The following TANC2 variants were observed in gnomAD, a reference collection of about 807,000 sequenced individuals.
TANC2 encodes the protein tetratricopeptide repeat, ankyrin repeat and coiled-coil containing 2, also known as protein TANC2.
In TANC2, 26 loss-of-function variants were observed where a neutral mutation model predicts 210.5. The ratio of observed to expected loss-of-function variants is 0.12; its 90% confidence interval spans 0.09 to 0.17. The LOEUF (loss-of-function observed/expected upper bound fraction) is 0.17. Among genes scored for constraint, TANC2 ranks in the 10% least tolerant of loss-of-function variants. The pLI is 1.00. For missense variants in TANC2, 2,129 were observed against 2,608.9 expected (o/e 0.82, Z 4.01); for synonymous variants, 931 against 967.1 (o/e 0.96, Z 0.69).
At chr17:63,362,450 C>G (rs1351310226) in intron 14 of TANC2, among the ~76,000 whole-genome samples, 1 of 152,210 alleles carries the variant, frequency 6.6e-6, no homozygotes, top group Non-Finnish European at 1.5e-5. Context: ...CTCCTTTCCA[C>G]CCAGGAGCCT....
intron 14 of TANC2, among the ~76,000 whole-genome samples, chr17:63,376,197 G>A (rs936591382): frequency 9.2e-5 from 14 of 151,800 alleles, no homozygotes; most frequent in Non-Finnish European, 1.8e-4. Flanking sequence ...ACTTTGGGAG[G>A]CCAAGGCGGG....
chr17:63,149,490 C>T (rs1040671375), intron 4 of TANC2: 7 of 152,006 alleles, frequency 4.6e-5, no homozygotes, highest in Non-Finnish European at 7.4e-5. Flanking sequence ...TATAGAGTCC[C>T]TTGAGCAGGG....
intron 3 of TANC2, among the ~76,000 whole-genome samples, chr17:63,097,490 C>T (rs1471406621): frequency 2.0e-5 from 3 of 151,936 alleles, no homozygotes; most frequent in Non-Finnish European, 2.9e-5. Context: ...CTTTTGGCTT[C>T]CCTGGGCCAC....
At chr17:63,358,376 A>AGAGAGAGTGTGTGTGTGT (rs1470682571) in intron 14 of TANC2, among the ~76,000 whole-genome samples, 2 of 81,040 alleles carry the variant, frequency 2.5e-5, no homozygotes, top group Admixed American at 1.4e-4. Context: ...AGAGAGAGAG[A>AGAGAGAGTGTGTGTGTGT]GTATGTGTGT....
At position 63,026,899 on chromosome 17, in the gene TANC2, A is replaced by T. The variant is rs542398140; in HGVS notation, c.67+17273A>T. Among the ~76,000 whole-genome samples, 6 of 152,234 alleles carry T rather than the reference A, an allele frequency of 3.9e-5. No homozygotes were observed. In the East Asian group the frequency reaches 1.2e-3, roughly 29 times the overall value. ...ATTTATTCCCTGATCATCTACTTTC[A>T]TAGGTTGGTACTTTCAAAGTTTGCT... On this transcript the variant is annotated intron_variant, in intron 2 of 27. Coordinates refer to ENST00000689528, the Ensembl canonical transcript of TANC2.
intron 1 of TANC2, among the ~76,000 whole-genome samples, chr17:62,974,302 T>C (rs2031876745): frequency 1.3e-5 from 2 of 152,224 alleles, no homozygotes; most frequent in Admixed American, 6.5e-5. Flanking sequence ...ATTCCTTTTT[T>C]TTTCTTTAAA....
At chr17:63,140,343 G>A (rs2039243534) in intron 4 of TANC2, among the ~76,000 whole-genome samples, 1 of 152,158 alleles carries the variant, frequency 6.6e-6, no homozygotes, top group African/African-American at 2.4e-5. Context: ...TCTTTAAAAT[G>A]GCAGCAGATT....
chr17:63,319,109 G>C lies in TANC2; in HGVS notation c.1575+19G>C. ...CTCGCAGGTACAATATGATTCCCAC[G>C]TTGGGGATATGGTAGTTCCATTTTA... On this transcript the variant is annotated intron_variant, in intron 11 of 27. Transcript: ENST00000689528. 1 of 1,604,472 alleles carries C rather than the reference G, an allele frequency of 6.2e-7. No individual in the cohort carries two copies. The highest frequency in any genetic ancestry group is 8.5e-7 in the Non-Finnish European group (1 of 1,175,142).
At chr17:63,174,704 A>G (rs528302778) in intron 5 of TANC2, among the ~76,000 whole-genome samples, 1 of 152,334 alleles carries the variant, frequency 6.6e-6, no homozygotes, top group Non-Finnish European at 1.5e-5. Flanking sequence ...AGAGCAATAT[A>G]TAAACACAAA....
chr17:63,318,878 A>T, intron 10 of TANC2, 79 bp from the exon 11 acceptor site: 2 of 1,513,608 alleles, frequency 1.3e-6, no homozygotes, highest in Non-Finnish European at 1.8e-6. Flanking sequence ...GTTAGATCAT[A>T]GAACAAATGG....
At chr17:63,372,744 G>A (rs2047307945) in intron 14 of TANC2, among the ~76,000 whole-genome samples, 1 of 152,104 alleles carries the variant, frequency 6.6e-6, no homozygotes, top group African/African-American at 2.4e-5. Flanking sequence ...CACTGTGAAT[G>A]CCAGTAAGGA....
At position 63,418,459 on chromosome 17, in the gene TANC2, G is replaced by C. The variant is rs1179094367; in HGVS notation, c.4268+52G>C. On this transcript the variant is annotated intron_variant, in intron 27 of 27. Coordinates refer to ENST00000689528, the Ensembl canonical transcript of TANC2. The surrounding 1 kb of genome is among the most constrained non-coding windows in gnomAD (Gnocchi z 4.6). ...CAAGAGGTCTCTTTTCTGAAAATTT[G>C]GCCAAGGCAGCGTCGGCCACCCTGG... 1.9e-5 allele frequency: 30 copies of C among 1,555,016 alleles called. No homozygotes were observed. The highest frequency in any genetic ancestry group is 2.5e-5 in the Non-Finnish European group (29 of 1,145,522).
At chr17:63,162,055 AGC>A (rs2040046137) in intron 5 of TANC2, among the ~76,000 whole-genome samples, 1 of 152,166 alleles carries the variant, frequency 6.6e-6, no homozygotes, top group Non-Finnish European at 1.5e-5. Flanking sequence ...TTGTAATTGC[AGC>A]ACTTTGGGAG....
At chr17:63,340,980 A>G (rs894520153) in intron 12 of TANC2, among the ~76,000 whole-genome samples, 4 of 152,198 alleles carry the variant, frequency 2.6e-5, no homozygotes, top group Non-Finnish European at 4.4e-5. Flanking sequence ...GCCTAAGTGC[A>G]ACCATTTCCT....
chr17:63,374,443 G>C (rs905460298), intron 14 of TANC2, among the ~76,000 whole-genome samples: 4 of 152,134 alleles, frequency 2.6e-5, no homozygotes, highest in Non-Finnish European at 5.9e-5. Flanking sequence ...TAGAGGCCGT[G>C]CTTTTTCCCA....
exon 19 of TANC2, chr17:63,398,901 C>G: frequency 1.3e-6 from 2 of 1,593,330 alleles, no homozygotes; most frequent in South Asian, 2.3e-5. Context: ...TTGACAGTCT[C>G]TGGGGAGAGA....
At chr17:63,157,975 T>C (rs890930284) in intron 5 of TANC2, among the ~76,000 whole-genome samples, 2 of 152,242 alleles carry the variant, frequency 1.3e-5, no homozygotes, top group African/African-American at 4.8e-5. Flanking sequence ...GGTAAAGTTA[T>C]ATCTTTTTTT....
chr17:63,282,712 A>C (rs1042793151), intron 9 of TANC2, among the ~76,000 whole-genome samples: 9 of 151,998 alleles, frequency 5.9e-5, no homozygotes, highest in African/African-American at 1.9e-4. Flanking sequence ...CAATCTTTTA[A>C]ACTTTTGATA....
chr17:63,143,108 GT>G (rs2039345061), intron 4 of TANC2, among the ~76,000 whole-genome samples: 1 of 152,190 alleles, frequency 6.6e-6, no homozygotes, highest in African/African-American at 2.4e-5. Flanking sequence ...CAGCTCATAT[GT>G]TTTATGGAAT....
Sources: allele counts gnomAD v4.1 joint callset (sites outside exome capture counted in the v4.1 genomes callset), GRCh38; gene constraint gnomAD v4.1.1; non-coding constraint Gnocchi (gnomAD v3.1); transcripts MANE v1.5; gene names NCBI Gene and HGNC (gene_info 2026-07-23, HGNC 2026-07-21).